The following PDXK variants were observed in gnomAD, a reference collection of about 807,000 sequenced individuals.
The protein encoded by PDXK is pyridoxal kinase, also known as epididymis secretory sperm binding protein Li 1a.
In PDXK, 15 loss-of-function variants were observed where a neutral mutation model predicts 43.2. The ratio of observed to expected loss-of-function variants is 0.35; its 90% CI spans 0.23 to 0.53. The LOEUF is 0.53. Among genes scored for constraint, PDXK ranks in the 20% least tolerant of loss-of-function variants. The pLI, the probability that PDXK is intolerant of heterozygous loss-of-function variation, is 0.92. For missense variants in PDXK, 343 were observed against 417.0 expected (o/e 0.82, Z 1.54); for synonymous variants, 172 against 165.4 (o/e 1.04, Z -0.31).
chr21:43,724,613 G>C (rs552487600), intron 1 of PDXK, among the ~76,000 whole-genome samples: 6 of 151,820 alleles, frequency 4.0e-5, no homozygotes, highest in Admixed American at 3.3e-4. Context: ...AGGCCGAGAT[G>C]GGGGGATCAC....
chr21:43,746,242 G>T, intron 5 of PDXK, 117 bp downstream of exon 5: 7 of 813,282 alleles, frequency 8.6e-6, no homozygotes, highest in Non-Finnish European at 1.3e-5. Context: ...CTGTCCAGGG[G>T]TAAAAAGACA....
At chr21:43,745,029 A>T (rs1229865172) in intron 4 of PDXK, among the ~76,000 whole-genome samples, 1 of 152,226 alleles carries the variant, frequency 6.6e-6, no homozygotes, top group East Asian at 1.9e-4. Context: ...CTGTTACACG[A>T]TCCCGCTATC....
At chr21:43,741,832 C>G in intron 3 of PDXK, 61 bp downstream of exon 3, 1 of 1,133,756 alleles carries the variant, frequency 8.8e-7, no homozygotes, top group Non-Finnish European at 1.3e-6. Context: ...AGGGTGGGCT[C>G]AGGGAGGTCC....
At position 43,737,070 on chromosome 21, in the gene PDXK, C is replaced by G. The variant is rs1482720607; in HGVS notation, c.142+2947C>G. 1 of 769,876 alleles carries G rather than the reference C, an allele frequency of 1.3e-6. No individual in the cohort carries two copies. Among genetic ancestry groups the G allele is most frequent in the Non-Finnish European group, 2.2e-6 (1 of 446,608 alleles). The allele number at this position is 769,876 out of a possible 1,614,324, so 47.7% of individuals were successfully genotyped here. ...GCCTCCACCTCCCGAGTGGCTGGGA[C>G]TATAGTTGTGCACCAGCACGCCCAC... On this transcript the variant is annotated intron_variant, in intron 2 of 10. Coordinates refer to ENST00000291565, the MANE Select transcript of PDXK (RefSeq NM_003681.5). This position sits in a 1 kb window ranked among gnomAD's most constrained non-coding sequence, Gnocchi z 4.8.
chr21:43,752,122 T>C (rs2083761850), intron 7 of PDXK, among the ~76,000 whole-genome samples: 2 of 152,104 alleles, frequency 1.3e-5, no homozygotes, highest in South Asian at 2.1e-4. Context: ...TGTGTGTGTG[T>C]GTGTGCGCGC....
chr21:43,738,935 C>CTTTTT, intron 2 of PDXK: 1 of 137,566 alleles, frequency 7.3e-6, no homozygotes, highest in Non-Finnish European at 1.6e-5. Flanking sequence ...TTTTCTTTTT[C>CTTTTT]TTTTTTTTTT....
rs373923040 is a variant in PDXK at position 43,740,383 on chromosome 21, C to T, written c.143-1284C>T. Among the ~76,000 whole-genome samples, 187 of 152,206 alleles carry T rather than the reference C, an allele frequency of 1.2e-3. 4 individuals are homozygous for T. In the Middle Eastern group the frequency reaches 0.021, roughly 17 times the overall value. ...CAGAGCCGGCCGTGACCCACAAGTGCGTGATACTTGTACTTTGCTATTCTA... is the reference window on the plus strand; with the variant it reads ...CAGAGCCGGCCGTGACCCACAAGTGTGTGATACTTGTACTTTGCTATTCTA... On this transcript the variant is annotated intron_variant, in intron 2 of 10. Coordinates refer to ENST00000291565, the MANE Select transcript of PDXK (RefSeq NM_003681.5).
intron 10 of PDXK, 34 bp downstream of exon 10, chr21:43,755,798 T>C: frequency 6.3e-7 from 1 of 1,592,352 alleles, no homozygotes; most frequent in Non-Finnish European, 8.6e-7. Flanking sequence ...CTGCGTGGGC[T>C]CCTGGCTCCC....
At chr21:43,749,960 C>T (rs778878259) in intron 6 of PDXK, among the ~76,000 whole-genome samples, 3 of 152,112 alleles carry the variant, frequency 2.0e-5, no homozygotes, top group East Asian at 3.9e-4. Context: ...TGGAGCTGCC[C>T]GCGGAGGGGG....
rs193163922 is a variant in PDXK at position 43,746,638 on chromosome 21, C to T, written c.378+513C>T. Among the ~76,000 whole-genome samples the T allele has an allele frequency of 2.4e-3, 365 of 152,202 alleles. 1 individual carries two copies. Among genetic ancestry groups the T allele is most frequent in the African/African-American group, 8.1e-3 (335 of 41,528 alleles). On this transcript the variant is annotated intron_variant, in intron 5 of 10. Coordinates refer to ENST00000291565, the MANE Select transcript of PDXK (RefSeq NM_003681.5). The stretch of plus-strand genomic sequence containing the variant: ...TTCACTGTGTCGTCCAGGCTGGTCT[C>T]GAACTCCTAGCCTCAAGTGATCCAC...
intron 1 of PDXK, among the ~76,000 whole-genome samples, chr21:43,725,294 G>T (rs1239721982): frequency 6.6e-6 from 1 of 152,086 alleles, no homozygotes; most frequent in African/African-American, 2.4e-5. Context: ...CTGCACTCCA[G>T]CACGGGCGAC....
intron 1 of PDXK, among the ~76,000 whole-genome samples, chr21:43,720,639 G>A (rs914354929): frequency 6.6e-6 from 1 of 152,170 alleles, no homozygotes; most frequent in Non-Finnish European, 1.5e-5. Flanking sequence ...CTGTGGCTCC[G>A]GCTCTTAAGC....
intron 1 of PDXK, chr21:43,719,973 G>C: frequency 8.4e-6 from 8 of 948,370 alleles, no homozygotes; most frequent in Non-Finnish European, 1.0e-5. Flanking sequence ...TGGGGCAGGG[G>C]CTGCTCTGCA....
intron 1 of PDXK, chr21:43,721,796 C>A (rs2083208235): frequency 6.6e-6 from 1 of 152,350 alleles, no homozygotes; most frequent in Non-Finnish European, 1.5e-5. Context: ...GGCTTCAGAG[C>A]TGTTCTCCCC....
chr21:43,730,063 G>A (rs1198633600), intron 1 of PDXK, among the ~76,000 whole-genome samples: 3 of 152,158 alleles, frequency 2.0e-5, no homozygotes, highest in Admixed American at 6.5e-5. Context: ...TCAGTGGACC[G>A]TCACAGCAGG....
At position 43,732,323 on chromosome 21, in the gene PDXK, G is replaced by C; in HGVS notation, c.88-1746G>C. 1 of 1,603,808 alleles carries C rather than the reference G, an allele frequency of 6.2e-7. No individual in the cohort carries two copies. The highest frequency in any genetic ancestry group is 8.5e-7 in the Non-Finnish European group (1 of 1,173,548). ...CTCCCGTCCTGGACCTTGGCACCCC[G>C]CCCCCCGTGCATTGTCGTCTTCTGA... is the stretch of plus-strand genomic sequence containing the variant. On this transcript the variant is annotated intron_variant, in intron 1 of 10. Coordinates refer to ENST00000291565, the MANE Select transcript of PDXK (RefSeq NM_003681.5). The surrounding 1 kb of genome is among the most constrained non-coding windows in gnomAD (Gnocchi z 4.1).
At chr21:43,724,071 A>G (rs1247898208) in intron 1 of PDXK, among the ~76,000 whole-genome samples, 1 of 152,208 alleles carries the variant, frequency 6.6e-6, no homozygotes, top group Non-Finnish European at 1.5e-5. Context: ...CCCCACCAGA[A>G]GACCCTGTGA....
intron 2 of PDXK, 36 bp from the exon 3 acceptor site, chr21:43,741,631 T>G: frequency 1.9e-6 from 3 of 1,601,682 alleles, no homozygotes; most frequent in Non-Finnish European, 2.6e-6. Flanking sequence ...GCTGGCCCCC[T>G]TGTGTCTGAG....
intron 2 of PDXK, chr21:43,736,838 G>T (rs2083411852): frequency 1.5e-6 from 1 of 681,556 alleles, no homozygotes; most frequent in Admixed American, 2.1e-5. Flanking sequence ...TCACTATGTT[G>T]CCCAAGGTGG....
Sources: gnomAD v4.1 joint callset for allele counts (sites outside exome capture counted in the v4.1 genomes callset) on GRCh38, gnomAD v4.1.1 for gene constraint, Gnocchi (gnomAD v3.1) non-coding constraint, MANE v1.5 for transcripts, NCBI Gene and HGNC (gene_info 2026-07-23, HGNC 2026-07-21) for gene names.